Variants in MKNK2 observed in about 807,000 individuals in gnomAD.
MKNK2 encodes the protein MAP kinase-interacting serine/threonine-protein kinase 2.
Under a neutral mutation model 55.0 loss-of-function variants are expected in MKNK2, and 54 were observed. That is an observed-to-expected ratio of 0.98 (90% CI 0.79 to 1.23). The LOEUF (loss-of-function observed/expected upper bound fraction) is 1.23. Ranked by LOEUF, MKNK2 falls within the 50% of genes most tolerant of loss-of-function variation. The pLI is 0.00. For missense variants in MKNK2, 685 were observed against 632.1 expected (o/e 1.08, Z -0.90); for synonymous variants, 323 against 256.0 (o/e 1.26, Z -2.50).
At position 2,050,806 on chromosome 19, in the gene MKNK2, A is replaced by G; in HGVS notation, c.46T>C (p.Phe16Leu). The G allele has an allele frequency of 6.5e-7, 1 of 1,537,248 alleles. No homozygotes were observed. The highest frequency in any genetic ancestry group is 1.4e-5 in the African/African-American group (1 of 70,738). Residue 16 changes from phenylalanine to leucine, a missense_variant, in exon 2 of 14, where the codon TTC (phenylalanine) becomes CTC (leucine). Transcript: ENST00000250896. ...PAELQGFHRSFKGQNPFELAF... is the reference protein window; with the variant it reads ...PAELQGFHRSLKGQNPFELAF... ...AAACCGACCCCGGGCCTCACCTTGA[A>G]CGAACGGTGGAAACCCTGAAGTTCG...
At chr19:2,049,783 G>GGGCAGGGGT (rs1313165358) in intron 2 of MKNK2, among the ~76,000 whole-genome samples, 1 of 152,180 alleles carries the variant, frequency 6.6e-6, no homozygotes, top group Non-Finnish European at 1.5e-5. Flanking sequence ...GGGGAAAACT[G>GGGCAGGGGT]GGCAGGGGTG....
chr19:2,044,589 C>A (rs1234190186), intron 5 of MKNK2, among the ~76,000 whole-genome samples: 1 of 152,240 alleles, frequency 6.6e-6, no homozygotes, highest in East Asian at 1.9e-4. Context: ...CTGCCCAGTG[C>A]GATGGCCTGG....
At chr19:2,040,729 G>A (rs986027562) in intron 12 of MKNK2, 5 of 427,112 alleles carry the variant, frequency 1.2e-5, no homozygotes, top group South Asian at 8.4e-5. Flanking sequence ...AGGCTAGGCT[G>A]GGGTCTATGT....
chr19:2,037,835 G>GAAAAAA lies in MKNK2; in HGVS notation c.*1772_*1777dup. ...GGAGGAAGTGACTGTCCCACCTTCA[G>GAAAAAA]AAAAAAAAAAAAAAACAAACAAACA... is the stretch of plus-strand genomic sequence containing the variant. On this transcript the variant is annotated 3_prime_UTR_variant, in exon 14 of 14. Transcript: ENST00000250896. The GAAAAAA allele has an allele frequency of 1.0e-5, 13 of 1,282,564 alleles. No homozygotes were observed. The highest frequency in any genetic ancestry group is 5.1e-5 in the Admixed American group (2 of 39,408). 79.4% of individuals were successfully genotyped at this position (1,282,564 alleles called of 1,614,324 possible). A position where few individuals can be genotyped will look rare whatever the true frequency, so the allele number is the denominator to read the frequency against.
At chr19:2,045,174 C>A (rs998106400) in intron 5 of MKNK2, among the ~76,000 whole-genome samples, 1 of 152,136 alleles carries the variant, frequency 6.6e-6, no homozygotes, top group Non-Finnish European at 1.5e-5. Flanking sequence ...ACTGACCACA[C>A]CAGGTCAATG....
Position 2,043,125 on chromosome 19 carries a change from T to TC in MKNK2, c.491dup (p.Gly165ArgfsTer34). ...TCACAGCCTGGAGCCCCCAGGTACC[T>TC]CCCCGCATCTTCTCAAACACCAGGT... On this transcript the variant is annotated frameshift_variant and splice_region_variant, in exon 7 of 14. Coordinates refer to ENST00000250896, the MANE Select transcript of MKNK2 (RefSeq NM_199054.3). LOFTEE classifies it high-confidence loss of function. 1 of 1,609,642 alleles carries TC rather than the reference T, an allele frequency of 6.2e-7. No homozygotes were observed. The highest frequency in any genetic ancestry group is 8.5e-7 in the Non-Finnish European group (1 of 1,178,004).
In MKNK2 at chr19:2,037,835, G is replaced by GAAAAAAAAAAAA; in HGVS notation, c.*1766_*1777dup. The GAAAAAAAAAAAA allele has an allele frequency of 7.8e-7, 1 of 1,282,614 alleles. No individual in the cohort carries two copies. The highest frequency in any genetic ancestry group is 1.0e-6 in the Non-Finnish European group (1 of 965,462). 79.5% of individuals were successfully genotyped at this position (1,282,614 alleles called of 1,614,324 possible). A position where few individuals can be genotyped will look rare whatever the true frequency, so the allele number is the denominator to read the frequency against. On this transcript the variant is annotated 3_prime_UTR_variant, in exon 14 of 14. Transcript: ENST00000250896. ...GGAGGAAGTGACTGTCCCACCTTCA[G>GAAAAAAAAAAAA]AAAAAAAAAAAAAAACAAACAAACA...
intron 5 of MKNK2, 41 bp downstream of exon 5, chr19:2,046,145 T>TCCCAAGGCGCTGGGTTC: frequency 6.3e-7 from 1 of 1,582,168 alleles, no homozygotes; most frequent in Non-Finnish European, 8.6e-7. Context: ...TCAACACCGA[T>TCCCAAGGCGCTGGGTTC]CCCAAGGCGC....
intron 2 of MKNK2, among the ~76,000 whole-genome samples, chr19:2,048,717 C>T (rs902128918): frequency 2.0e-5 from 3 of 152,130 alleles, no homozygotes; most frequent in Non-Finnish European, 4.4e-5. Flanking sequence ...GGCCGTGAGC[C>T]AAGCTGCCCT....
chr19:2,042,480 T>C lies in MKNK2; in HGVS notation c.697A>G (p.Ile233Val), dbSNP rs376813048. Residue 233 changes from isoleucine (I) to valine (V), a missense_variant, in exon 10 of 14, where the codon ATC (isoleucine) becomes GTC (valine). Physicochemically the swap from Ile to Val is conservative, Grantham distance 29 (BLOSUM62 3). Coordinates refer to ENST00000250896, the MANE Select transcript of MKNK2 (RefSeq NM_199054.3). ...GGGGAGCAGTCCCCGTTGAGTTTGA[T>C]GCCGCTGCCCAGGTCGAAGTCACAG... ...KICDFDLGSG[I>V]KLNGDCSPIS... 1.3e-6 allele frequency: 2 copies of C among 1,596,950 alleles called. No individual in the cohort carries two copies. Among genetic ancestry groups the C allele is most frequent in the Non-Finnish European group, 1.7e-6 (2 of 1,173,354 alleles).
Position 2,042,882 on chromosome 19 carries a change from A to AGGGCG in MKNK2, c.494-13_494-12insCGCCC. 6.4e-7 allele frequency: 1 copy of AGGGCG among 1,556,538 alleles called. No homozygotes were observed. Among genetic ancestry groups the AGGGCG allele is most frequent in the Non-Finnish European group, 8.7e-7 (1 of 1,149,840 alleles). On this transcript the variant is annotated splice_polypyrimidine_tract_variant and intron_variant, in intron 7 of 13. Coordinates refer to ENST00000250896, the MANE Select transcript of MKNK2 (RefSeq NM_199054.3). ...GCTCAGGATGGAGCCTGGGCAGGGC[A>AGGGCG]GGGCAGGGCAGGACAGGGGGAACAC...
chr19:2,042,843 C>T lies in MKNK2; in HGVS notation c.521G>A (p.Arg174His), dbSNP rs752236520. The change falls in exon 8 of 14, where the codon CGC becomes CAC. Residue 174 changes from arginine to histidine, a missense_variant. Arg to His is a conservative substitution (Grantham distance 29). Coordinates refer to ENST00000250896, the MANE Select transcript of MKNK2 (RefSeq NM_199054.3). ...GGSILSHIHK[R>H]RHFNELEASV... ...GGCCTCCAGCTCGTTGAAGTGCCGG[C>T]GCTTGTGGATGTGGCTCAGGATGGA... 20 of 1,572,758 alleles carry T rather than the reference C, an allele frequency of 1.3e-5. No individual in the cohort carries two copies. The highest frequency in any genetic ancestry group is 2.3e-5 in the East Asian group (1 of 42,654).
rs768851323 is a variant in MKNK2, at chr19:2,037,851, CA to C, written c.*1761del. The C allele has an allele frequency of 1.7e-3, 2,511 of 1,456,348 alleles. 3 individuals carry two copies. Among genetic ancestry groups the C allele is most frequent in the Middle Eastern group, 5.9e-3 (29 of 4,942 alleles). 90.2% of individuals were successfully genotyped at this position (1,456,348 alleles called of 1,614,324 possible). A position where few individuals can be genotyped will look rare whatever the true frequency, so the allele number is the denominator to read the frequency against. On this transcript the variant is annotated 3_prime_UTR_variant, in exon 14 of 14. Transcript: ENST00000250896. ...CCACCTTCAGAAAAAAAAAAAAAAA[CA>C]AACAAACAAACGCTGCTAGCCACTC... is the stretch of plus-strand genomic sequence containing the variant.
At position 2,037,892 on chromosome 19, in the gene MKNK2, G is replaced by C. The variant is rs1446609014; in HGVS notation, c.*1721C>G. 1.3e-6 allele frequency: 2 copies of C among 1,485,968 alleles called. No homozygotes were observed. Among genetic ancestry groups the C allele is most frequent in the Non-Finnish European group, 1.8e-6 (2 of 1,103,774 alleles). The allele number at this position is 1,485,968 out of a possible 1,614,324, so 92.0% of individuals were successfully genotyped here. Reference sequence around the variant, plus strand: ...GCTAGCCACTCAGCTTTAGAGACCCGATGGCTATGGGCGCCTGCAGCGGGC... The same window carrying C: ...GCTAGCCACTCAGCTTTAGAGACCCCATGGCTATGGGCGCCTGCAGCGGGC... On this transcript the variant is annotated 3_prime_UTR_variant, in exon 14 of 14. Transcript: ENST00000250896.
chr19:2,042,647 T>TC lies in MKNK2; in HGVS notation c.613dup (p.Asp205GlyfsTer10). 6.4e-7 allele frequency: 1 copy of TC among 1,562,804 alleles called. No individual in the cohort carries two copies. The highest frequency in any genetic ancestry group is 8.7e-7 in the Non-Finnish European group (1 of 1,153,004). ...ACAGAGGATGTTTTCCGGCTTTAGG[T>TC]CCCTGTGGGCGATGCCTGGGGGAGA... On this transcript the variant is annotated frameshift_variant, in exon 9 of 14. Coordinates refer to ENST00000250896, the MANE Select transcript of MKNK2 (RefSeq NM_199054.3). LOFTEE classifies it high-confidence loss of function.
At position 2,037,568 on chromosome 19, in the gene MKNK2, C is replaced by T. The variant is rs2145679198; in HGVS notation, c.*2045G>A. 1.1e-5 allele frequency: 5 copies of T among 453,400 alleles called. No individual in the cohort carries two copies. Among genetic ancestry groups the T allele is most frequent in the African/African-American group, 2.0e-5 (1 of 49,378 alleles). The allele number at this position is 453,400 out of a possible 1,614,324, so 28.1% of individuals were successfully genotyped here. A position where few individuals can be genotyped will look rare whatever the true frequency, so the allele number is the denominator to read the frequency against. ...GGAAAACTTCTGAGCTCCGTCAGTT[C>T]ACCTGGTACATTGGAATTAAAGTGC... On this transcript the variant is annotated 3_prime_UTR_variant, in exon 14 of 14. Transcript: ENST00000250896.
At chr19:2,043,026 A>G in intron 7 of MKNK2, 98 bp downstream of exon 7, 1 of 1,293,796 alleles carries the variant, frequency 7.7e-7, no homozygotes. Flanking sequence ...TGGGCAGGAC[A>G]CTCACCCCAC....
chr19:2,047,321 C>A (rs1474921176), intron 2 of MKNK2, among the ~76,000 whole-genome samples: 1 of 152,150 alleles, frequency 6.6e-6, no homozygotes, highest in Non-Finnish European at 1.5e-5. Context: ...ACAGCCCCAC[C>A]CCAGAGAAAG....
At chr19:2,048,379 C>T (rs1167263544) in intron 2 of MKNK2, among the ~76,000 whole-genome samples, 1 of 152,180 alleles carries the variant, frequency 6.6e-6, no homozygotes, top group South Asian at 2.1e-4. Flanking sequence ...AATGGCCCAG[C>T]GCAGGGACTG....
Sources: gnomAD v4.1 joint callset for allele counts (sites outside exome capture counted in the v4.1 genomes callset) on GRCh38, gnomAD v4.1.1 for gene constraint, MANE v1.5 for transcripts, NCBI Gene and HGNC (gene_info 2026-07-23, HGNC 2026-07-21) for gene names.